Variants in MCPH1 observed in about 807,000 individuals in gnomAD.
MCPH1 encodes the protein microcephalin.
In MCPH1, 104 loss-of-function variants were observed where a neutral mutation model predicts 84.5. The ratio of observed to expected loss-of-function variants is 1.23; its 90% CI spans 1.05 to 1.45. MCPH1 has a LOEUF of 1.45. Among genes scored for constraint, MCPH1 ranks in the 40% most tolerant of loss-of-function variants. The pLI is 0.00. For synonymous variants in MCPH1, 514 were observed against 366.8 expected (o/e 1.40, Z -4.58); for missense variants, 1,498 against 1,005.7 (o/e 1.49, Z -6.62).
chr8:6,608,504 T>C (rs1279246761), intron 12 of MCPH1, among the ~76,000 whole-genome samples: 1 of 152,172 alleles, frequency 6.6e-6, no homozygotes, highest in Non-Finnish European at 1.5e-5. Context: ...TTTCTTCTCC[T>C]GTGCTCAGTG....
intron 3 of MCPH1, among the ~76,000 whole-genome samples, chr8:6,421,007 A>C (rs971960429): frequency 1.3e-5 from 2 of 152,168 alleles, no homozygotes; most frequent in African/African-American, 4.8e-5. Context: ...TTTGATGTTT[A>C]ACCTTGATCC....
chr8:6,606,321 T>C (rs1228987888), intron 12 of MCPH1, among the ~76,000 whole-genome samples: 1 of 152,230 alleles, frequency 6.6e-6, no homozygotes, highest in East Asian at 1.9e-4. Flanking sequence ...TAAAAAGCTT[T>C]TGAGAAATCA....
chr8:6,615,212 G>A lies in MCPH1; in HGVS notation c.2215-6242G>A, dbSNP rs1248050174. ...CCTGAGGGGCTCCTGTGTGCTTTCCGTGAGGAACTGTCTTTCTGCTCACGA... is the reference window on the plus strand; with the variant it reads ...CCTGAGGGGCTCCTGTGTGCTTTCCATGAGGAACTGTCTTTCTGCTCACGA... On this transcript the variant is annotated intron_variant, in intron 12 of 13. Coordinates refer to ENST00000344683, the MANE Select transcript of MCPH1 (RefSeq NM_024596.5). 1.3e-5 allele frequency among the ~76,000 whole-genome samples: 2 copies of A among 152,190 alleles called. 1 individual carries two copies. The highest frequency in any genetic ancestry group is 1.3e-4 in the Admixed American group (2 of 15,280).
intron 12 of MCPH1, among the ~76,000 whole-genome samples, chr8:6,605,736 C>G (rs1286381261): frequency 6.6e-6 from 1 of 152,084 alleles, no homozygotes; most frequent in Non-Finnish European, 1.5e-5. Context: ...CTCACTCTGT[C>G]ACCCAGGCTG....
rs13264652 is a variant in MCPH1 at position 6,416,121 on chromosome 8, T to G, written c.233+1238T>G. 9.2e-5 allele frequency among the ~76,000 whole-genome samples: 14 copies of G among 152,248 alleles called. No homozygotes were observed. In the South Asian group the frequency reaches 2.9e-3, roughly 32 times the overall value. The stretch of plus-strand genomic sequence containing the variant: ...GTTAGTGTATAGAAATGCAGGTGAT[T>G]GTTGTATGTTGATCTTATACCCTGC... On this transcript the variant is annotated intron_variant, in intron 3 of 13. Coordinates refer to ENST00000344683, the MANE Select transcript of MCPH1 (RefSeq NM_024596.5).
chr8:6,583,756 G>A (rs1315474741), intron 12 of MCPH1, among the ~76,000 whole-genome samples: 1 of 150,796 alleles, frequency 6.6e-6, no homozygotes, highest in Non-Finnish European at 1.5e-5. Context: ...TGGCAAAGAC[G>A]CCTCAGCTAA....
intron 9 of MCPH1, among the ~76,000 whole-genome samples, chr8:6,463,975 T>C (rs541589523): frequency 5.3e-5 from 8 of 152,192 alleles, no homozygotes; most frequent in Non-Finnish European, 1.2e-4. Context: ...AAAGGACAGG[T>C]GATATTTATT....
At chr8:6,603,960 G>A (rs1200922607) in intron 12 of MCPH1, among the ~76,000 whole-genome samples, 1 of 151,402 alleles carries the variant, frequency 6.6e-6, no homozygotes, top group Non-Finnish European at 1.5e-5. Context: ...ATTTTTACAA[G>A]ATTAAAAATC....
intron 12 of MCPH1, among the ~76,000 whole-genome samples, chr8:6,515,962 G>A (rs952304740): frequency 6.6e-6 from 1 of 152,166 alleles, no homozygotes; most frequent in African/African-American, 2.4e-5. Context: ...GTGGCTGCCT[G>A]ATGCCTCATT....
chr8:6,420,587 C>T (rs992109520), intron 3 of MCPH1, among the ~76,000 whole-genome samples: 5 of 151,994 alleles, frequency 3.3e-5, no homozygotes, highest in Non-Finnish European at 5.9e-5. Context: ...GTTTTCTCTA[C>T]CTCATCTTCT....
intron 12 of MCPH1, chr8:6,514,688 C>T: frequency 3.1e-6 from 5 of 1,614,024 alleles, no homozygotes; most frequent in Non-Finnish European, 4.2e-6. Flanking sequence ...ACTTTATATT[C>T]TTTCCAAGTC....
intron 11 of MCPH1, among the ~76,000 whole-genome samples, chr8:6,499,118 A>G (rs1259293081): frequency 3.9e-5 from 6 of 151,922 alleles, no homozygotes; most frequent in South Asian, 2.1e-4. Context: ...CATGAATTGT[A>G]TAATCCAGCT....
At chr8:6,638,097 T>G (rs193013211) in intron 13 of MCPH1, among the ~76,000 whole-genome samples, 1 of 152,214 alleles carries the variant, frequency 6.6e-6, no homozygotes, top group Admixed American at 6.5e-5. Context: ...AGAGGACACA[T>G]GTGATATGAG....
At chr8:6,491,363 C>T (rs1156587213) in intron 11 of MCPH1, among the ~76,000 whole-genome samples, 3 of 140,830 alleles carry the variant, frequency 2.1e-5, no homozygotes, top group East Asian at 4.1e-4. Context: ...GAAGTAGAGT[C>T]TATGGTTTCT....
chr8:6,487,207 G>A (rs528885656), intron 11 of MCPH1, among the ~76,000 whole-genome samples: 4 of 152,270 alleles, frequency 2.6e-5, no homozygotes, highest in Non-Finnish European at 4.4e-5. Flanking sequence ...TGTCAAGGCC[G>A]CTAACTATCA....
At chr8:6,573,155 C>T (rs562870976) in intron 12 of MCPH1, among the ~76,000 whole-genome samples, 1 of 152,250 alleles carries the variant, frequency 6.6e-6, no homozygotes, top group African/African-American at 2.4e-5. Flanking sequence ...GAAGAGTCTG[C>T]TTAGGAATTG....
At chr8:6,439,531 C>G (rs1298547715) in intron 6 of MCPH1, among the ~76,000 whole-genome samples, 1 of 151,200 alleles carries the variant, frequency 6.6e-6, no homozygotes, top group African/African-American at 2.5e-5. Context: ...ATTACAGGCG[C>G]CTGTCACCAC....
chr8:6,464,607 T>C (rs1463031318), intron 9 of MCPH1, among the ~76,000 whole-genome samples: 2 of 152,170 alleles, frequency 1.3e-5, no homozygotes, highest in African/African-American at 4.8e-5. Context: ...GTGGTCGTCT[T>C]TGGCCACGTA....
chr8:6,406,984 T>G, intron 1 of MCPH1: 1 of 401,432 alleles, frequency 2.5e-6, no homozygotes, highest in South Asian at 2.1e-5. Flanking sequence ...CCCGTACTGC[T>G]TGTGCCCCAA....
Sources: allele counts gnomAD v4.1 joint callset (sites outside exome capture counted in the v4.1 genomes callset), GRCh38; gene constraint gnomAD v4.1.1; transcripts MANE v1.5; gene names NCBI Gene and HGNC (gene_info 2026-07-23, HGNC 2026-07-21).